Variants in DDX4 observed in about 807,000 individuals in gnomAD.
DDX4 encodes DEAD-box helicase 4, also known as probable ATP-dependent RNA helicase DDX4.
DDX4 carries 25 observed loss-of-function variants against 100.0 expected under a neutral mutation model. The observed-to-expected ratio is 0.25, with a 90% confidence interval of 0.18 to 0.35. DDX4 has a LOEUF of 0.35. Ranked by LOEUF, DDX4 falls within the 10% of genes least tolerant of loss-of-function variation. The pLI is 1.00. For missense variants in DDX4, 635 were observed against 882.4 expected (o/e 0.72, Z 3.55); for synonymous variants, 259 against 275.7 (o/e 0.94, Z 0.60).
chr5:55,770,930 CAATTT>C (rs1561493051), intron 7 of DDX4, among the ~76,000 whole-genome samples: 1 of 152,088 alleles, frequency 6.6e-6, no homozygotes, highest in African/African-American at 2.4e-5. Flanking sequence ...TACTTTAAAT[CAATTT>C]AATTCATATT....
intron 4 of DDX4, 107 bp downstream of exon 4, chr5:55,760,384 G>A (rs1740452479): frequency 8.8e-7 from 1 of 1,133,328 alleles, no homozygotes; most frequent in Non-Finnish European, 1.2e-6. Context: ...AAGTCAGTGT[G>A]TAGTAGACTT....
chr5:55,747,256 C>T (rs1386898435), intron 3 of DDX4, among the ~76,000 whole-genome samples: 2 of 152,108 alleles, frequency 1.3e-5, no homozygotes, highest in Non-Finnish European at 2.9e-5. Context: ...TGCATGCCTG[C>T]AGTCCCAGCC....
intron 2 of DDX4, chr5:55,742,033 A>C (rs1759005364): frequency 2.7e-6 from 1 of 372,846 alleles, no homozygotes; most frequent in Non-Finnish European, 5.5e-6. Context: ...TAATTTTGAA[A>C]TAATTTGTCA....
At chr5:55,746,037 C>T in intron 2 of DDX4, 127 bp from the exon 3 acceptor site, 1 of 697,020 alleles carries the variant, frequency 1.4e-6, no homozygotes, top group South Asian at 2.0e-5. Flanking sequence ...ATTTAGAAAA[C>T]CTTACAGTCT....
intron 3 of DDX4, among the ~76,000 whole-genome samples, chr5:55,754,643 T>C (rs1356160361): frequency 6.6e-6 from 1 of 151,856 alleles, no homozygotes; most frequent in Non-Finnish European, 1.5e-5. Flanking sequence ...TCTTTTTTTG[T>C]TGTGTCTCTG....
At chr5:55,770,142 C>T (rs781455482) in intron 7 of DDX4, among the ~76,000 whole-genome samples, 5 of 152,030 alleles carry the variant, frequency 3.3e-5, no homozygotes, top group East Asian at 1.9e-4. Context: ...CTGGGATTAC[C>T]GGCATGAGCC....
intron 7 of DDX4, among the ~76,000 whole-genome samples, chr5:55,772,402 C>T (rs1008941026): frequency 2.0e-5 from 3 of 152,112 alleles, no homozygotes; most frequent in African/African-American, 7.2e-5. Context: ...GTATCTGTTT[C>T]TCTAGGTTTT....
At chr5:55,813,554 G>T in intron 18 of DDX4, 119 bp from the exon 19 acceptor site, 1 of 1,334,016 alleles carries the variant, frequency 7.5e-7, no homozygotes, top group Non-Finnish European at 9.8e-7. Context: ...TGGCTGTGGT[G>T]CTGGTAGTAA....
intron 18 of DDX4, among the ~76,000 whole-genome samples, chr5:55,810,403 C>A (rs1485501161): frequency 6.6e-6 from 1 of 152,122 alleles, no homozygotes; most frequent in Non-Finnish European, 1.5e-5. Flanking sequence ...CCATGCCTAG[C>A]CATGTTTCGG....
intron 2 of DDX4, among the ~76,000 whole-genome samples, chr5:55,740,518 T>C (rs1758917835): frequency 6.7e-6 from 1 of 148,304 alleles, no homozygotes; most frequent in Non-Finnish European, 1.5e-5. Flanking sequence ...ATTTTTTTTT[T>C]TTTTTGAGAT....
chr5:55,766,956 C>CAATTTT (rs1740962390), intron 6 of DDX4: 1 of 1,522,850 alleles, frequency 6.6e-7, no homozygotes, highest in East Asian at 2.5e-5. Context: ...TATTTTTAAC[C>CAATTTT]AACTCTCCAG....
chr5:55,775,030 C>G (rs941781238), intron 7 of DDX4, among the ~76,000 whole-genome samples: 2 of 152,182 alleles, frequency 1.3e-5, no homozygotes, highest in African/African-American at 4.8e-5. Context: ...TGTGTACTCC[C>G]TTAACCCTGG....
intron 3 of DDX4, among the ~76,000 whole-genome samples, chr5:55,752,026 A>G (rs1475573599): frequency 2.0e-5 from 3 of 152,198 alleles, no homozygotes; most frequent in Non-Finnish European, 4.4e-5. Context: ...TGACTCACAA[A>G]AAAGGAATCT....
intron 6 of DDX4, among the ~76,000 whole-genome samples, chr5:55,767,655 A>G (rs1041315930): frequency 4.6e-5 from 7 of 152,228 alleles, no homozygotes; most frequent in African/African-American, 1.7e-4. Flanking sequence ...TCAATTTCAT[A>G]TAATAAACAT....
At chr5:55,789,276 T>G (rs1008384237) in intron 15 of DDX4, among the ~76,000 whole-genome samples, 2 of 152,206 alleles carry the variant, frequency 1.3e-5, no homozygotes, top group African/African-American at 4.8e-5. Flanking sequence ...CTTTCAACAA[T>G]AAACATTTAC....
chr5:55,813,099 T>C (rs1744207971), intron 18 of DDX4, among the ~76,000 whole-genome samples: 1 of 152,098 alleles, frequency 6.6e-6, no homozygotes, highest in African/African-American at 2.4e-5. Flanking sequence ...TTTTAAGGAG[T>C]AAATATTCCT....
intron 18 of DDX4, among the ~76,000 whole-genome samples, chr5:55,801,051 G>A (rs2112117232): frequency 6.6e-6 from 1 of 152,182 alleles, no homozygotes; most frequent in East Asian, 1.9e-4. Context: ...AAAGGAACCA[G>A]TAAGATGTTA....
rs565841638 is a variant in DDX4, at chr5:55,756,724, AGTT to A, written c.128-3471_128-3469del. On this transcript the variant is annotated intron_variant, in intron 3 of 21. Coordinates refer to ENST00000505374, the MANE Select transcript of DDX4 (RefSeq NM_024415.3). ...ATATTGAGAGATATTCTTTGTGGTC[AGTT>A]GTTGGGGATTGTGTACACTAACACT... 1.0e-3 allele frequency among the ~76,000 whole-genome samples: 152 copies of A among 152,228 alleles called. 1 individual carries two copies. The highest frequency in any genetic ancestry group is 3.3e-3 in the African/African-American group (136 of 41,538).
intron 2 of DDX4, among the ~76,000 whole-genome samples, chr5:55,744,878 C>CT (rs71602907): frequency 0.18 from 27,131 of 150,538 alleles, 3,129 homozygotes; most frequent in Admixed American, 0.3. Context: ...CCTTTTTTTT[C>CT]TTTTTTTTTG....
Sources: allele counts gnomAD v4.1 joint callset (sites outside exome capture counted in the v4.1 genomes callset), GRCh38; gene constraint gnomAD v4.1.1; transcripts MANE v1.5; gene names NCBI Gene and HGNC (gene_info 2026-07-23, HGNC 2026-07-21).